The following PLPPR3 variants were observed in gnomAD, a reference collection of about 807,000 sequenced individuals.
PLPPR3 encodes the protein phospholipid phosphatase related 3, also known as phospholipid phosphatase-related protein type 3.
A neutral mutation model predicts 27.3 loss-of-function variants in PLPPR3; 14 were observed. That is an observed-to-expected ratio of 0.51 (90% CI 0.34 to 0.80). The LOEUF (loss-of-function observed/expected upper bound fraction) is 0.80. Ranked by LOEUF, PLPPR3 falls within the 30% of genes least tolerant of loss-of-function variation. PLPPR3 has a pLI of 0.01. For synonymous variants in PLPPR3, 671 were observed against 508.0 expected (o/e 1.32, Z -4.32); for missense variants, 1,287 against 1,056.9 (o/e 1.22, Z -3.02).
intron 2 of PLPPR3, among the ~76,000 whole-genome samples, chr19:820,714 G>A (rs1260399815): frequency 6.6e-6 from 1 of 152,010 alleles, no homozygotes; most frequent in Admixed American, 6.6e-5. Context: ...GTAGAGATGG[G>A]GTTTCACCAT....
upstream of PLPPR3, among the ~76,000 whole-genome samples, chr19:823,454 A>C (rs994462450): frequency 4.7e-5 from 7 of 150,264 alleles, no homozygotes; most frequent in Admixed American, 6.7e-5. Flanking sequence ...AAAAAAAAAA[A>C]AAAACAAACA....
chr19:813,970 C>T lies in PLPPR3; in HGVS notation c.832-75G>A, dbSNP rs567021900. On this transcript the variant is annotated intron_variant, in intron 7 of 7. Transcript: ENST00000520876. This position sits in a 1 kb window ranked among gnomAD's most constrained non-coding sequence, Gnocchi z 4.1. The stretch of plus-strand genomic sequence containing the variant: ...TCCCCTGTGATCGTTGGACTTGCCG[C>T]GGGGGGCTCTGGACCGGGGGTGGGG... 2.9e-6 allele frequency: 4 copies of T among 1,396,402 alleles called. No homozygotes were observed. The highest frequency in any genetic ancestry group is 3.1e-5 in the South Asian group (2 of 63,508). The allele number at this position is 1,396,402 out of a possible 1,614,324, so 86.5% of individuals were successfully genotyped here.
chr19:814,457 C>T lies in PLPPR3; in HGVS notation c.808G>A (p.Gly270Arg), dbSNP rs1466790493. 6.9e-6 allele frequency: 11 copies of T among 1,605,110 alleles called. No homozygotes were observed. The highest frequency in any genetic ancestry group is 1.3e-5 in the African/African-American group (1 of 74,884). Residue 270 changes from glycine to arginine, a missense_variant, in exon 7 of 8, where the codon GGG (glycine) becomes AGG (arginine). Gly to Arg is a moderately radical substitution (Grantham distance 125). Coordinates refer to ENST00000520876, the MANE Select transcript of PLPPR3 (RefSeq NM_001270366.2). Reference sequence around the variant, plus strand: ...ACCAGGTAGGCAGCGATGCCCGCCCCGATGAGGAAGCCGGCATACACGTCC... The same window carrying T: ...ACCAGGTAGGCAGCGATGCCCGCCCTGATGAGGAAGCCGGCATACACGTCC... ...PVDVYAGFLIGAGIAAYLACH... is the reference protein window; with the variant it reads ...PVDVYAGFLIRAGIAAYLACH...
Position 814,698 on chromosome 19 carries a change from A to G in PLPPR3, c.651T>C (p.Tyr217=), listed in dbSNP as rs1359527914. The G allele has an allele frequency of 6.3e-7, 1 of 1,598,494 alleles. No individual in the cohort carries two copies. Among genetic ancestry groups the G allele is most frequent in the Non-Finnish European group, 8.5e-7 (1 of 1,175,480 alleles). The part of the protein sequence containing the change: ...HATLSAFAAV[Y]VSMYFNSVIS... ...AGTGAGGGGCCGGACTCACCGACAC[A>G]TAGACCGCGGCGAAGGCTGACAGCG... is the stretch of plus-strand genomic sequence containing the variant. The change falls in exon 6 of 8, where the codon TAT becomes TAC. Residue 217 remains tyrosine (Y), a synonymous_variant. Transcript: ENST00000520876.
chr19:812,814 G>A lies in PLPPR3; in HGVS notation c.1913C>T (p.Ser638Phe). ...FRGGAKPPGV[S>F]PGSSVSDVDQ... is the part of the protein sequence containing the mutation. ...CACGTCGCTGACCGACGAGCCGGGGGACACGCCCGGGGGCTTGGCCCCGCC... is the reference window on the plus strand; with the variant it reads ...CACGTCGCTGACCGACGAGCCGGGGAACACGCCCGGGGGCTTGGCCCCGCC... The change falls in exon 8 of 8, where the codon TCC becomes TTC. Residue 638 changes from serine (S) to phenylalanine (F), a missense_variant. Ser to Phe is a radical substitution (Grantham distance 155, BLOSUM62 -2). Transcript: ENST00000520876. 1 of 1,100,314 alleles carries A rather than the reference G, an allele frequency of 9.1e-7. No homozygotes were observed. Among genetic ancestry groups the A allele is most frequent in the South Asian group, 3.8e-5 (1 of 26,620 alleles). The allele number at this position is 1,100,314 out of a possible 1,614,324, so 68.2% of individuals were successfully genotyped here.
Position 814,616 on chromosome 19 carries a change from T to C in PLPPR3, c.658-9A>G, listed in dbSNP as rs367794720. ...ACCGAGTTGAAGTACATCTGGGGCATGGGGGTTGGGGTCAGGGAGGGCTCC... is the reference window on the plus strand; with the variant it reads ...ACCGAGTTGAAGTACATCTGGGGCACGGGGGTTGGGGTCAGGGAGGGCTCC... On this transcript the variant is annotated splice_polypyrimidine_tract_variant and intron_variant, in intron 6 of 7. Coordinates refer to ENST00000520876, the MANE Select transcript of PLPPR3 (RefSeq NM_001270366.2). 17 of 1,611,254 alleles carry C rather than the reference T, an allele frequency of 1.1e-5. No individual in the cohort carries two copies. Among genetic ancestry groups the C allele is most frequent in the Non-Finnish European group, 5.1e-6 (6 of 1,179,932 alleles).
At chr19:817,224 C>T (rs1326247647) in intron 2 of PLPPR3, among the ~76,000 whole-genome samples, 3 of 152,008 alleles carry the variant, frequency 2.0e-5, no homozygotes, top group Non-Finnish European at 1.5e-5. Context: ...GTGATACACC[C>T]GCCTTGGCCT....
chr19:821,725 C>A, intron 1 of PLPPR3, 140 bp from the exon 2 acceptor site: 1 of 419,550 alleles, frequency 2.4e-6, no homozygotes, highest in Non-Finnish European at 4.1e-6. Context: ...CCCCGCGCCC[C>A]GGCCCAGCAC....
chr19:817,799 A>T (rs570361636), intron 2 of PLPPR3, among the ~76,000 whole-genome samples: 31 of 152,294 alleles, frequency 2.0e-4, no homozygotes, highest in African/African-American at 7.0e-4. Context: ...AGACGCGGAA[A>T]GTGGGTAGCA....
In PLPPR3 at chr19:813,807, G is replaced by T. The variant is rs1218214138; in HGVS notation, c.920C>A (p.Thr307Lys). Residue 307 changes from threonine (T) to lysine (K), a missense_variant, in exon 8 of 8, where the codon ACG becomes AAG. By Grantham distance (78) the Thr-to-Lys change is moderately conservative. Coordinates refer to ENST00000520876, the MANE Select transcript of PLPPR3 (RefSeq NM_001270366.2). The surrounding 1 kb of genome is among the most constrained non-coding windows in gnomAD (Gnocchi z 4.1). The part of the protein sequence containing the change: ...APAKDALRAL[T>K]QRGHDSVYQQ... The stretch of plus-strand genomic sequence containing the variant: ...ATAAACCGAGTCGTGGCCCCGCTGC[G>T]TCAGGGCCCGCAGCGCGTCCTTGGC... 6.6e-7 allele frequency: 1 copy of T among 1,519,834 alleles called. No homozygotes were observed. Among genetic ancestry groups the T allele is most frequent in the Admixed American group, 2.1e-5 (1 of 48,028 alleles). 94.1% of individuals were successfully genotyped at this position (1,519,834 alleles called of 1,614,324 possible). A position where few individuals can be genotyped will look rare whatever the true frequency, so the allele number is the denominator to read the frequency against.
rs2035042513 is a variant in PLPPR3, at chr19:815,729, G to A, written c.198C>T (p.Thr66=). ...TCAGCAGCGGGATGAGCTCCTCGTT[G>A]GTCTCCACGTAGGGCATGGAGAGAG... The part of the protein sequence containing the change: ...DRTLSMPYVE[T]NEELIPLLML... The change falls in exon 3 of 8, where the codon ACC becomes ACT. Residue 66 remains threonine, a synonymous_variant. Transcript: ENST00000520876. 2 of 1,611,492 alleles carry A rather than the reference G, an allele frequency of 1.2e-6. No individual in the cohort carries two copies. Among genetic ancestry groups the A allele is most frequent in the South Asian group, 2.2e-5 (2 of 90,892 alleles).
rs2035003865 is a variant in PLPPR3, at chr19:814,015, G to A, written c.832-120C>T. On this transcript the variant is annotated intron_variant, in intron 7 of 7. Transcript: ENST00000520876. ...GTGGGGGCTGGCAAGCTCTTGTCCA[G>A]TGGGACCGGTTCCCACCCCAAGGTT... is the stretch of plus-strand genomic sequence containing the variant. 3 of 966,422 alleles carry A rather than the reference G, an allele frequency of 3.1e-6. No homozygotes were observed. In the Admixed American group the frequency reaches 1.0e-4, roughly 32 times the overall value. The allele number at this position is 966,422 out of a possible 1,614,324, so 59.9% of individuals were successfully genotyped here.
intron 3 of PLPPR3, 33 bp from the exon 4 acceptor site, chr19:815,360 T>A: frequency 3.3e-6 from 5 of 1,514,470 alleles, no homozygotes; most frequent in Non-Finnish European, 4.4e-6. Flanking sequence ...CAGGCCTCGG[T>A]GCCCACAGGG....
Position 812,539 on chromosome 19 carries a change from C to CCCG in PLPPR3, c.*30_*31insCGG. On this transcript the variant is annotated 3_prime_UTR_variant, in exon 8 of 8. Coordinates refer to ENST00000520876, the MANE Select transcript of PLPPR3 (RefSeq NM_001270366.2). The stretch of plus-strand genomic sequence containing the variant: ...CCGCGCGGCCGCCCGCGCCCTCGGC[C>CCCG]CGCCCCCCGCCCGCCCCCGGCCCCG... The CCCG allele has an allele frequency of 1.0e-6, 1 of 958,534 alleles. No individual in the cohort carries two copies. The highest frequency in any genetic ancestry group is 1.2e-6 in the Non-Finnish European group (1 of 803,926). 59.4% of individuals were successfully genotyped at this position (958,534 alleles called of 1,614,324 possible).
chr19:818,688 C>A (rs906671354), intron 2 of PLPPR3, among the ~76,000 whole-genome samples: 1 of 151,374 alleles, frequency 6.6e-6, no homozygotes, highest in Non-Finnish European at 1.5e-5. Flanking sequence ...CGCCCGCCAC[C>A]GCGCCCGGCT....
chr19:816,899 C>G (rs2035071006), intron 2 of PLPPR3, among the ~76,000 whole-genome samples: 1 of 150,984 alleles, frequency 6.6e-6, no homozygotes, highest in African/African-American at 2.4e-5. Context: ...TATCCACCCA[C>G]CCAACTGTCC....
At position 814,696 on chromosome 19, in the gene PLPPR3, A is replaced by G. The variant is rs753003534; in HGVS notation, c.653T>C (p.Val218Ala). 1.3e-6 allele frequency: 2 copies of G among 1,598,864 alleles called. No individual in the cohort carries two copies. Among genetic ancestry groups the G allele is most frequent in the Non-Finnish European group, 1.7e-6 (2 of 1,175,612 alleles). ...ATLSAFAAVY[V>A]SMYFNSVISD... The stretch of plus-strand genomic sequence containing the variant: ...GCAGTGAGGGGCCGGACTCACCGAC[A>G]CATAGACCGCGGCGAAGGCTGACAG... The change falls in exon 6 of 8, where the codon GTG (valine) becomes GCG (alanine). Residue 218 changes from valine to alanine, a missense_variant. Physicochemically the swap from Val to Ala is moderately conservative, Grantham distance 64. Transcript: ENST00000520876.
At chr19:815,139 C>G in intron 4 of PLPPR3, 47 bp downstream of exon 4, 9 of 1,600,992 alleles carry the variant, frequency 5.6e-6, no homozygotes, top group South Asian at 1.1e-5. Context: ...AGCCCCACCC[C>G]CTGCATGTGG....
At position 813,645 on chromosome 19, in the gene PLPPR3, G is replaced by A. The variant is rs774945981; in HGVS notation, c.1082C>T (p.Pro361Leu). 7.2e-6 allele frequency: 11 copies of A among 1,538,420 alleles called. No homozygotes were observed. The Admixed American group carries it at 1.2e-4, about 17-fold the overall frequency. The change falls in exon 8 of 8, where the codon CCG (proline) becomes CTG (leucine). Residue 361 changes from proline to leucine, a missense_variant. Transcript: ENST00000520876. This position sits in a 1 kb window ranked among gnomAD's most constrained non-coding sequence, Gnocchi z 4.1. ...GTTCTCCTTGGCCATGGGGCTGCGC[G>A]GGGCCAGCAGGTCCACGTCCACGCT... is the stretch of plus-strand genomic sequence containing the variant. ...RASVDVDLLA[P>L]RSPMAKENMV...
Sources: allele counts gnomAD v4.1 joint callset (sites outside exome capture counted in the v4.1 genomes callset), GRCh38; gene constraint gnomAD v4.1.1; non-coding constraint Gnocchi (gnomAD v3.1); transcripts MANE v1.5; gene names NCBI Gene and HGNC (gene_info 2026-07-23, HGNC 2026-07-21).